ZFYVE9: variants seen among roughly 807,000 people sequenced by gnomAD.
ZFYVE9 encodes zinc finger FYVE domain-containing protein 9.
Under a neutral mutation model 126.7 loss-of-function variants are expected in ZFYVE9, and 43 were observed. The observed-to-expected ratio is 0.34, with a 90% CI of 0.27 to 0.44. ZFYVE9 has a LOEUF of 0.44. Among genes scored for constraint, ZFYVE9 ranks in the 20% least tolerant of loss-of-function variants. The pLI is 1.00. For missense variants in ZFYVE9, 1,476 were observed against 1,697.0 expected, an observed-to-expected ratio of 0.87 and a Z score of 2.29; for synonymous variants, 521 against 597.4, an observed-to-expected ratio of 0.87 and a Z score of 1.87.
At chr1:52,251,459 T>C (rs1645445977) in intron 4 of ZFYVE9, among the ~76,000 whole-genome samples, 1 of 152,160 alleles carries the variant, frequency 6.6e-6, no homozygotes, top group African/African-American at 2.4e-5. Flanking sequence ...GAGATGATCA[T>C]TTGGGGTTTT....
At chr1:52,325,995 A>G (rs1271941135) in intron 13 of ZFYVE9, among the ~76,000 whole-genome samples, 1 of 152,214 alleles carries the variant, frequency 6.6e-6, no homozygotes, top group Non-Finnish European at 1.5e-5. Context: ...CCGGGACTCC[A>G]AGGGTGGGAA....
chr1:52,170,383 T>G (rs1443327331), intron 1 of ZFYVE9, among the ~76,000 whole-genome samples: 1 of 152,144 alleles, frequency 6.6e-6, no homozygotes. Flanking sequence ...GGTTTGTCAA[T>G]TTTATTTATC....
intron 13 of ZFYVE9, among the ~76,000 whole-genome samples, chr1:52,322,865 C>T (rs912790798): frequency 5.9e-5 from 9 of 152,054 alleles, no homozygotes; most frequent in East Asian, 5.8e-4. Context: ...AGTGCAGTGG[C>T]GCGATCTCAG....
At chr1:52,152,589 ACT>A (rs1461580259) in intron 1 of ZFYVE9, among the ~76,000 whole-genome samples, 2 of 152,052 alleles carry the variant, frequency 1.3e-5, no homozygotes, top group African/African-American at 4.8e-5. Context: ...ATAAATAATC[ACT>A]CTTAATATCT....
chr1:52,285,842 G>T (rs538839679), intron 10 of ZFYVE9, among the ~76,000 whole-genome samples: 33 of 152,072 alleles, frequency 2.2e-4, no homozygotes, highest in Non-Finnish European at 4.4e-4. Context: ...GTGCCAAAAA[G>T]GTTGGAGGCT....
intron 1 of ZFYVE9, among the ~76,000 whole-genome samples, chr1:52,161,971 G>A (rs1341944321): frequency 1.3e-5 from 2 of 151,350 alleles, no homozygotes; most frequent in African/African-American, 4.9e-5. Context: ...TATAACACTA[G>A]GGTTGCTTTT....
chr1:52,144,807 T>C (rs1644293282), intron 1 of ZFYVE9, among the ~76,000 whole-genome samples: 1 of 152,196 alleles, frequency 6.6e-6, no homozygotes, highest in Non-Finnish European at 1.5e-5. Flanking sequence ...TCATTTACTT[T>C]GGCACTTAAT....
chr1:52,255,968 C>CCTTTTCTTTTCTTTTCT (rs1645510952), intron 4 of ZFYVE9, among the ~76,000 whole-genome samples: 3 of 71,170 alleles, frequency 4.2e-5, no homozygotes, highest in Non-Finnish European at 5.3e-5. Flanking sequence ...CTTTTCTTTT[C>CCTTTTCTTTTCTTTTCT]TTTCTTTCTT....
chr1:52,192,031 CT>C (rs34736381), intron 1 of ZFYVE9, among the ~76,000 whole-genome samples: 18 of 146,146 alleles, frequency 1.2e-4, no homozygotes, highest in African/African-American at 2.5e-4. Context: ...TTGGCAGGGG[CT>C]TTTTTTTTTT....
In ZFYVE9 at chr1:52,239,416, G is replaced by A. The variant is rs200725080; in HGVS notation, c.1999G>A (p.Asp667Asn). The A allele has an allele frequency of 2.5e-6, 4 of 1,614,134 alleles. No homozygotes were observed. The highest frequency in any genetic ancestry group is 3.4e-6 in the Non-Finnish European group (4 of 1,180,002). Residue 667 changes from aspartate (D) to asparagine (N), a missense_variant, in exon 4 of 19, where the codon GAT becomes AAT. Asp to Asn is a conservative substitution (Grantham distance 23, BLOSUM62 1). Transcript: ENST00000287727. ...TAGACCATGCCTTGCATTAGCTCCA[G>A]ATAGCCCAGATAATGATCTCAGAGC... is the stretch of plus-strand genomic sequence containing the variant. ...STRPCLALAP[D>N]SPDNDLRAGQ...
At chr1:52,255,954 T>TTTC (rs1357044789) in intron 4 of ZFYVE9, among the ~76,000 whole-genome samples, 3 of 107,126 alleles carry the variant, frequency 2.8e-5, no homozygotes, top group African/African-American at 1.7e-4. Context: ...TTTTCTTTTC[T>TTTC]TTTCTTTTCT....
intron 1 of ZFYVE9, among the ~76,000 whole-genome samples, chr1:52,191,309 A>C (rs968247839): frequency 1.3e-5 from 2 of 152,116 alleles, no homozygotes; most frequent in Non-Finnish European, 2.9e-5. Context: ...TTACTTTACA[A>C]ATGAGGGAAT....
intron 13 of ZFYVE9, among the ~76,000 whole-genome samples, chr1:52,332,476 C>T (rs1421546418): frequency 1.0e-5 from 1 of 98,494 alleles, no homozygotes; most frequent in Non-Finnish European, 2.0e-5. Context: ...ATTAGCTAAA[C>T]TAATTTTAGC....
chr1:52,339,688 C>A lies in ZFYVE9; in HGVS notation c.3834-438C>A, dbSNP rs144443150. Among the ~76,000 whole-genome samples the A allele has an allele frequency of 1.4e-3, 215 of 152,166 alleles. 1 individual carries two copies. Among genetic ancestry groups the A allele is most frequent in the African/African-American group, 5.0e-3 (207 of 41,498 alleles). ...TAGAGGGGAATATATCATATTCCCT[C>A]CCCTTCAGAAGTTCATTTGTAAGTC... On this transcript the variant is annotated intron_variant, in intron 16 of 18. Transcript: ENST00000287727.
chr1:52,193,459 C>T (rs1255146225), intron 1 of ZFYVE9, among the ~76,000 whole-genome samples: 2 of 147,862 alleles, frequency 1.4e-5, no homozygotes, highest in African/African-American at 5.0e-5. Flanking sequence ...GTAATCCCAG[C>T]ATTTTGGGAG....
intron 1 of ZFYVE9, chr1:52,163,174 T>TC (rs1359039869): frequency 6.8e-5 from 14 of 205,196 alleles, no homozygotes; most frequent in Non-Finnish European, 2.7e-5. Flanking sequence ...TTCAGTTTTT[T>TC]CCCCCATTCA....
chr1:52,206,778 G>C (rs1359469330), intron 1 of ZFYVE9, among the ~76,000 whole-genome samples: 1 of 152,158 alleles, frequency 6.6e-6, no homozygotes, highest in Admixed American at 6.5e-5. Context: ...TCGAACTCCT[G>C]ACCTCAGGTG....
intron 1 of ZFYVE9, among the ~76,000 whole-genome samples, chr1:52,199,395 C>A (rs114343313): frequency 6.6e-6 from 1 of 152,178 alleles, no homozygotes; most frequent in African/African-American, 2.4e-5. Context: ...TCTGTAGTTT[C>A]GACTTTTCCA....
intron 4 of ZFYVE9, chr1:52,253,514 G>A: frequency 1.5e-6 from 1 of 652,576 alleles, no homozygotes; most frequent in Non-Finnish European, 2.8e-6. Flanking sequence ...GCCACACGTG[G>A]GTCGCTGGGG....
Sources: gnomAD v4.1 joint callset for allele counts (sites outside exome capture counted in the v4.1 genomes callset) on GRCh38, gnomAD v4.1.1 for gene constraint, MANE v1.5 for transcripts, NCBI Gene and HGNC (gene_info 2026-07-23, HGNC 2026-07-21) for gene names.